Variants in ZNF701 observed in about 807,000 individuals in gnomAD.
The protein encoded by ZNF701 is zinc finger protein 701.
ZNF701 carries 6 observed loss-of-function variants against 7.1 expected under a neutral mutation model. The ratio of observed to expected loss-of-function variants is 0.84; its 90% CI spans 0.46 to 1.66. The LOEUF is 1.66. Among genes scored for constraint, ZNF701 ranks in the 40% most tolerant of loss-of-function variants. The pLI is 0.01. For missense variants in ZNF701, 541 were observed against 559.2 expected (o/e 0.97, Z 0.33); for synonymous variants, 166 against 188.2 (o/e 0.88, Z 0.97).
downstream of ZNF701, chr19:52,591,980 T>C (rs1346126839): frequency 1.9e-6 from 1 of 520,472 alleles, no homozygotes; most frequent in African/African-American, 2.0e-5. Context: ...AATACCTTAA[T>C]GCGGCTTTGT....
chr19:52,596,522 A>G, the ZNF701 span: 1 of 413,764 alleles, frequency 2.4e-6, no homozygotes. Flanking sequence ...TTCATACTGG[A>G]GAGAAATGTT....
In ZNF701 at chr19:52,582,093, T is replaced by C. The variant is rs549708548; in HGVS notation, c.143-109T>C. Reference sequence around the variant, plus strand: ...TTGTGTTCCTAAACTTTGAAGATCATGTTTGGGAAGTTTAAAATAAGTATT... The same window carrying C: ...TTGTGTTCCTAAACTTTGAAGATCACGTTTGGGAAGTTTAAAATAAGTATT... On this transcript the variant is annotated intron_variant, in intron 3 of 3. Coordinates refer to ENST00000391785, the MANE Select transcript of ZNF701 (RefSeq NM_018260.3). 3.1e-6 allele frequency: 3 copies of C among 958,162 alleles called. No homozygotes were observed. The East Asian group carries it at 8.5e-5, about 27-fold the overall frequency. The allele number at this position is 958,162 out of a possible 1,614,324, so 59.4% of individuals were successfully genotyped here. A position where few individuals can be genotyped will look rare whatever the true frequency, so the allele number is the denominator to read the frequency against.
chr19:52,598,193 C>G, the ZNF701 span: 1 of 152,348 alleles, frequency 6.6e-6, no homozygotes, highest in Admixed American at 6.5e-5. Flanking sequence ...ATCCGCCCGC[C>G]TCGGCCTCCC....
Position 52,584,262 on chromosome 19 carries a change from ATTGAC to A in ZNF701, c.*810_*814del, listed in dbSNP as rs1326099721. The A allele has an allele frequency of 1.3e-5, 3 of 225,542 alleles. No homozygotes were observed. Among genetic ancestry groups the A allele is most frequent in the South Asian group, 1.3e-4 (2 of 14,838 alleles). The allele number at this position is 225,542 out of a possible 1,614,324, so 14.0% of individuals were successfully genotyped here. On this transcript the variant is annotated 3_prime_UTR_variant, in exon 4 of 4. Coordinates refer to ENST00000391785, the MANE Select transcript of ZNF701 (RefSeq NM_018260.3). ...GGATTGACAGTAGAGTCAATTCAGA[ATTGAC>A]TTGAGTTTGAGTTGACTTAAAACAT...
At chr19:52,576,827 G>T (rs970160652) in intron 3 of ZNF701, among the ~76,000 whole-genome samples, 8 of 152,164 alleles carry the variant, frequency 5.3e-5, no homozygotes, top group African/African-American at 1.9e-4. Context: ...GGAGTCTCAT[G>T]CTGATATGTT....
chr19:52,575,778 G>A lies in ZNF701; in HGVS notation c.16-117G>A, dbSNP rs994471342. The A allele has an allele frequency of 7.6e-5, 55 of 725,722 alleles. No individual in the cohort carries two copies. In the African/African-American group the frequency reaches 9.8e-4, roughly 13 times the overall value. 45.0% of individuals were successfully genotyped at this position (725,722 alleles called of 1,614,324 possible). A position where few individuals can be genotyped will look rare whatever the true frequency, so the allele number is the denominator to read the frequency against. On this transcript the variant is annotated intron_variant, in intron 2 of 3. Transcript: ENST00000391785. Reference sequence around the variant, plus strand: ...CATGTGGTGAAGAATCCCTTACTTGGATTTGTCGGAACATTCTCTGCAATT... The same window carrying A: ...CATGTGGTGAAGAATCCCTTACTTGAATTTGTCGGAACATTCTCTGCAATT...
rs1258510865 is a variant in ZNF701, at chr19:52,585,461, A to G, written c.*2004A>G. On this transcript the variant is annotated 3_prime_UTR_variant, in exon 4 of 4. Transcript: ENST00000391785. ...GGAAAACGTGCTTCTCCTGGAGGCA[A>G]CCCTCTTTTTCCACCCTCGCCCTGT... 6.6e-6 allele frequency: 1 copy of G among 151,296 alleles called. No individual in the cohort carries two copies. The highest frequency in any genetic ancestry group is 2.4e-5 in the African/African-American group (1 of 41,076). 9.4% of individuals were successfully genotyped at this position (151,296 alleles called of 1,614,324 possible).
the ZNF701 span, chr19:52,595,654 TG>T: frequency 8.0e-7 from 1 of 1,245,718 alleles, no homozygotes; most frequent in Non-Finnish European, 1.1e-6. Context: ...TCTCATCAAC[TG>T]GGCACGGTAA....
chr19:52,587,311 G>C (rs1194267009), downstream of ZNF701: 1 of 152,726 alleles, frequency 6.5e-6, no homozygotes, highest in Admixed American at 6.6e-5. Context: ...TGTGCTCCCG[G>C]GACCCCTCTG....
At chr19:52,597,070 A>T in the ZNF701 span, 1 of 1,223,756 alleles carries the variant, frequency 8.2e-7, no homozygotes, top group Non-Finnish European at 1.2e-6. Flanking sequence ...TGGAGAATCC[A>T]TAATGAAGAC....
chr19:52,594,639 T>C, the ZNF701 span, among the ~76,000 whole-genome samples: 1 of 151,858 alleles, frequency 6.6e-6, no homozygotes, highest in Non-Finnish European at 1.5e-5. Flanking sequence ...TCAACCTGCC[T>C]AGCAGCTGGG....
In ZNF701 at chr19:52,576,236, A is replaced by G. The variant is rs1274537264; in HGVS notation, c.142+215A>G. 2.0e-5 allele frequency among the ~76,000 whole-genome samples: 3 copies of G among 152,106 alleles called. No homozygotes were observed. The East Asian group carries it at 5.8e-4, about 29-fold the overall frequency. The stretch of plus-strand genomic sequence containing the variant: ...AGCTCAGTGGGGGTTCCAGAAGTAA[A>G]GTAAGCATAAAAGCTTATGGCAGGC... On this transcript the variant is annotated intron_variant, in intron 3 of 3. Transcript: ENST00000391785.
Sources: gnomAD v4.1 joint callset for allele counts (sites outside exome capture counted in the v4.1 genomes callset) on GRCh38, gnomAD v4.1.1 for gene constraint, MANE v1.5 for transcripts, NCBI Gene and HGNC (gene_info 2026-07-23, HGNC 2026-07-21) for gene names.